Variants in DLG2 observed in about 807,000 individuals in gnomAD.
DLG2 encodes the protein discs large MAGUK scaffold protein 2.
Under a neutral mutation model 132.5 loss-of-function variants are expected in DLG2, and 45 were observed. The observed-to-expected ratio is 0.34, with a 90% confidence interval of 0.27 to 0.44. DLG2 has a LOEUF of 0.44. Ranked by LOEUF, DLG2 falls within the 20% of genes least tolerant of loss-of-function variation. DLG2 has a pLI of 1.00. For missense variants in DLG2, 1,045 were observed against 1,196.9 expected, an observed-to-expected ratio of 0.87 and a Z score of 1.87; for synonymous variants, 424 against 419.6, an observed-to-expected ratio of 1.01 and a Z score of -0.13.
intron 6 of DLG2, among the ~76,000 whole-genome samples, chr11:84,953,219 A>C (rs1043525159): frequency 1.3e-5 from 2 of 152,164 alleles, no homozygotes; most frequent in Non-Finnish European, 2.9e-5. Context: ...GTTCCTGGTC[A>C]TCTGTTGGAT....
At chr11:84,310,843 A>G (rs1395096297) in intron 7 of DLG2, among the ~76,000 whole-genome samples, 2 of 152,180 alleles carry the variant, frequency 1.3e-5, no homozygotes, top group Admixed American at 1.3e-4. Context: ...TTCTTGGACT[A>G]AAAAGTCCTC....
At chr11:85,392,475 T>G (rs973401677) in intron 3 of DLG2, among the ~76,000 whole-genome samples, 1 of 148,650 alleles carries the variant, frequency 6.7e-6, no homozygotes, top group East Asian at 2.0e-4. Flanking sequence ...ATAGTCTGCA[T>G]AGCCAAAGCA....
intron 3 of DLG2, among the ~76,000 whole-genome samples, chr11:85,295,998 A>G (rs984264088): frequency 6.6e-6 from 1 of 152,176 alleles, no homozygotes; most frequent in Non-Finnish European, 1.5e-5. Context: ...AGAGGATGCT[A>G]CAAATTGACT....
chr11:84,516,563 C>G (rs1005476515), intron 7 of DLG2, among the ~76,000 whole-genome samples: 2 of 151,354 alleles, frequency 1.3e-5, no homozygotes, highest in African/African-American at 4.8e-5. Context: ...GAGATTGAAT[C>G]AGTATAAAGT....
At chr11:84,593,119 CA>C (rs750800070) in intron 6 of DLG2, among the ~76,000 whole-genome samples, 3,277 of 115,588 alleles carry the variant, frequency 0.028, 121 homozygotes, top group African/African-American at 0.09. Flanking sequence ...ACTCCATCTC[CA>C]AAAAAAAAAA....
At chr11:85,485,489 T>C (rs58107036) in intron 3 of DLG2, among the ~76,000 whole-genome samples, 3,626 of 152,188 alleles carry the variant, frequency 0.024, 139 homozygotes, top group African/African-American at 0.082. Flanking sequence ...GGAACCAGAA[T>C]AGTAAATAAA....
chr11:84,689,913 TAATA>T (rs960683468), intron 6 of DLG2, among the ~76,000 whole-genome samples: 1 of 151,924 alleles, frequency 6.6e-6, no homozygotes, highest in African/African-American at 2.4e-5. Context: ...TGTGAATAAT[TAATA>T]GTCAAAAAAT....
At chr11:84,888,821 C>T (rs1344876175) in intron 6 of DLG2, among the ~76,000 whole-genome samples, 2 of 152,098 alleles carry the variant, frequency 1.3e-5, no homozygotes, top group Non-Finnish European at 2.9e-5. Flanking sequence ...AATCATTCTG[C>T]TATTACTGTG....
chr11:85,260,765 C>T (rs2076897521), intron 4 of DLG2, among the ~76,000 whole-genome samples: 1 of 152,020 alleles, frequency 6.6e-6, no homozygotes, highest in Non-Finnish European at 1.5e-5. Context: ...ATTAAAGTTT[C>T]CAAAAAGGAG....
intron 15 of DLG2, among the ~76,000 whole-genome samples, chr11:83,901,341 G>A (rs956891423): frequency 2.0e-5 from 3 of 152,090 alleles, no homozygotes; most frequent in Non-Finnish European, 4.4e-5. Context: ...GGGGGTAGGG[G>A]CAGAATGATA....
At chr11:84,925,062 C>T (rs1459347920) in intron 6 of DLG2, among the ~76,000 whole-genome samples, 1 of 152,162 alleles carries the variant, frequency 6.6e-6, no homozygotes, top group Non-Finnish European at 1.5e-5. Context: ...TGCCTTTCTC[C>T]ACTGAGGATT....
At chr11:85,392,887 C>T (rs1029947524) in intron 3 of DLG2, among the ~76,000 whole-genome samples, 4 of 152,000 alleles carry the variant, frequency 2.6e-5, no homozygotes, top group Admixed American at 6.6e-5. Context: ...AAGATAACAT[C>T]GGAAAAACCC....
intron 5 of DLG2, among the ~76,000 whole-genome samples, chr11:85,135,874 C>T (rs1378483063): frequency 6.6e-6 from 1 of 152,004 alleles, no homozygotes; most frequent in Non-Finnish European, 1.5e-5. Flanking sequence ...ACTATAATAC[C>T]GTACAGAAAG....
At chr11:85,582,330 G>A (rs2078578400) in intron 3 of DLG2, among the ~76,000 whole-genome samples, 1 of 152,012 alleles carries the variant, frequency 6.6e-6, no homozygotes, top group Admixed American at 6.6e-5. Flanking sequence ...GTCAGAGAGT[G>A]GGACGTTTTA....
intron 2 of DLG2, among the ~76,000 whole-genome samples, chr11:85,623,578 C>T (rs1459664461): frequency 6.6e-6 from 1 of 152,204 alleles, no homozygotes. Flanking sequence ...GCTGGGATTA[C>T]AGGCGTGAGC....
chr11:84,924,253 G>T (rs895133415), intron 6 of DLG2, among the ~76,000 whole-genome samples: 1 of 152,102 alleles, frequency 6.6e-6, no homozygotes, highest in African/African-American at 2.4e-5. Context: ...TTGGGAAGCC[G>T]ATTCTCAGCT....
At chr11:84,779,815 G>A (rs75858197) in intron 6 of DLG2, among the ~76,000 whole-genome samples, 1,758 of 151,700 alleles carry the variant, frequency 0.012, 33 homozygotes, top group African/African-American at 0.039. Flanking sequence ...CAACCTCCCC[G>A]TATTGAGCCA....
At position 85,154,375 on chromosome 11, in the gene DLG2, C is replaced by T. The variant is rs147047819; in HGVS notation, c.282+181G>A. Among the ~76,000 whole-genome samples, 277 of 152,286 alleles carry T rather than the reference C, an allele frequency of 1.8e-3. 1 individual carries two copies. Among genetic ancestry groups the T allele is most frequent in the Non-Finnish European group, 3.2e-3 (217 of 68,014 alleles). On this transcript the variant is annotated intron_variant, in intron 5 of 27. Coordinates refer to ENST00000376104, the MANE Select transcript of DLG2 (RefSeq NM_001142699.3). ...AAATAAAACACACACAACTACTCAA[C>T]GTGATACACATTCAGTGTCAGCTCA...
intron 7 of DLG2, among the ~76,000 whole-genome samples, chr11:84,437,996 G>C (rs2099006090): frequency 6.6e-6 from 1 of 152,154 alleles, no homozygotes; most frequent in Admixed American, 6.5e-5. Context: ...GCCAGGCATG[G>C]GGAAGAGAGC....
Sources: allele counts gnomAD v4.1 joint callset (sites outside exome capture counted in the v4.1 genomes callset), GRCh38; gene constraint gnomAD v4.1.1; transcripts MANE v1.5; gene names NCBI Gene and HGNC (gene_info 2026-07-23, HGNC 2026-07-21).